Variants in TBC1D21 observed in about 807,000 individuals in gnomAD.
TBC1D21 encodes TBC1 domain family member 21.
TBC1D21 carries 38 observed loss-of-function variants against 46.0 expected under a neutral mutation model. That is an observed-to-expected ratio of 0.83 (90% CI 0.64 to 1.08). The LOEUF (loss-of-function observed/expected upper bound fraction) is 1.08. Ranked by LOEUF, TBC1D21 falls within the 50% of genes least tolerant of loss-of-function variation. The pLI, the probability that TBC1D21 is intolerant of heterozygous loss-of-function variation, is 0.00. For synonymous variants in TBC1D21, 151 were observed against 157.2 expected (o/e 0.96, Z 0.29); for missense variants, 415 against 417.9 (o/e 0.99, Z 0.06).
Position 73,887,683 on chromosome 15 carries a change from A to G in TBC1D21, c.841A>G (p.Met281Val). The G allele has an allele frequency of 2.5e-6, 4 of 1,614,038 alleles. No individual in the cohort carries two copies. Among genetic ancestry groups the G allele is most frequent in the Non-Finnish European group, 2.5e-6 (3 of 1,179,954 alleles). The part of the protein sequence containing the change: ...QVLVAYSMLQ[M>V]VREQVLQESM... ...GCTGGTGGCCTACAGCATGCTGCAG[A>G]TGGTGCGGGAGCAGGTGCTGCAGGA... The change falls in exon 9 of 11, where the codon ATG (methionine) becomes GTG (valine). Residue 281 changes from methionine (M) to valine (V), a missense_variant. Met to Val is a conservative substitution (Grantham distance 21). Coordinates refer to ENST00000300504, the MANE Select transcript of TBC1D21 (RefSeq NM_153356.3).
rs145856354 is a variant in TBC1D21, at chr15:73,881,469, A to T, written c.131A>T (p.Lys44Ile). The T allele has an allele frequency of 2.0e-4, 315 of 1,614,116 alleles. No individual in the cohort carries two copies. Among genetic ancestry groups the T allele is most frequent in the Non-Finnish European group, 2.6e-4 (312 of 1,180,038 alleles). Residue 44 changes from lysine to isoleucine, a missense_variant, in exon 2 of 11, where the codon AAA becomes ATA. Lys to Ile is a moderately radical substitution (Grantham distance 102). Transcript: ENST00000300504. ...TTTGATGAGAGTGGCCACTTGGCCA[A>T]ATCACGGGACTTCATTTGTGTTAAC... ...SFFDESGHLA[K>I]SRDFICVNIL...
chr15:73,886,268 G>A (rs1202693768), intron 7 of TBC1D21, 94 bp downstream of exon 7: 6 of 1,129,764 alleles, frequency 5.3e-6, no homozygotes, highest in African/African-American at 1.5e-5. Flanking sequence ...TGGGGGGGCT[G>A]GAGAGCAGCA....
chr15:73,886,838 T>C (rs1055015486), intron 8 of TBC1D21, among the ~76,000 whole-genome samples: 1 of 152,230 alleles, frequency 6.6e-6, no homozygotes, highest in Non-Finnish European at 1.5e-5. Flanking sequence ...TGCCTTCTGC[T>C]AGCAGTTGAC....
chr15:73,889,567 C>T (rs2068319404), downstream of TBC1D21, among the ~76,000 whole-genome samples: 1 of 152,256 alleles, frequency 6.6e-6, no homozygotes, highest in African/African-American at 2.4e-5. Flanking sequence ...CCACTGCTCC[C>T]CTGAGTCCTG....
At chr15:73,890,208 C>G (rs1299146282), downstream of TBC1D21, among the ~76,000 whole-genome samples, 1 of 152,186 alleles carries the variant, frequency 6.6e-6, no homozygotes, top group East Asian at 1.9e-4. Flanking sequence ...TCCTGGCACT[C>G]TTAGTGACCA....
rs376821140 is a variant in TBC1D21, at chr15:73,888,564, TTCC to T, written c.978+66_978+68del. 1,081 of 1,123,678 alleles carry T rather than the reference TTCC, an allele frequency of 9.6e-4. 6 individuals carry two copies. In the African/African-American group the frequency reaches 0.016, roughly 16 times the overall value. The allele number at this position is 1,123,678 out of a possible 1,614,324, so 69.6% of individuals were successfully genotyped here. ...CCTCCTCCTCTTCCTCCTCCTCCTC[TTCC>T]TCCTCCTCCTCCTCTTCCTCCTCCT... On this transcript the variant is annotated intron_variant, in intron 10 of 10. Transcript: ENST00000300504.
intron 1 of TBC1D21, among the ~76,000 whole-genome samples, chr15:73,879,497 C>G (rs762724762): frequency 6.6e-6 from 1 of 152,074 alleles, no homozygotes; most frequent in Non-Finnish European, 1.5e-5. Flanking sequence ...GGATTACAGG[C>G]GTGAGCCACC....
the TBC1D21 span, among the ~76,000 whole-genome samples, chr15:73,906,710 G>A: frequency 6.6e-6 from 1 of 152,188 alleles, no homozygotes; most frequent in African/African-American, 2.4e-5. Flanking sequence ...CCAGGAGGAG[G>A]AGAAGACTGA....
chr15:73,902,911 G>A, the TBC1D21 span, among the ~76,000 whole-genome samples: 1 of 152,154 alleles, frequency 6.6e-6, no homozygotes, highest in South Asian at 2.1e-4. Context: ...CCATCAATCC[G>A]GGTCGGGTCT....
chr15:73,892,776 C>T (rs781106996), downstream of TBC1D21, among the ~76,000 whole-genome samples: 7 of 152,214 alleles, frequency 4.6e-5, no homozygotes, highest in Admixed American at 4.6e-4. Context: ...CCAGTAGGCC[C>T]GAGCAAAACT....
intron 4 of TBC1D21, 45 bp downstream of exon 4, chr15:73,884,290 A>C: frequency 6.5e-7 from 1 of 1,548,814 alleles, no homozygotes; most frequent in Non-Finnish European, 8.9e-7. Flanking sequence ...GGAGGGCTTG[A>C]AGCCAACCCT....
At chr15:73,893,622 C>T (rs937928680), downstream of TBC1D21, among the ~76,000 whole-genome samples, 1 of 152,196 alleles carries the variant, frequency 6.6e-6, no homozygotes, top group Non-Finnish European at 1.5e-5. Flanking sequence ...ACAGAGGCAC[C>T]GTGGATAAAA....
chr15:73,898,457 T>C, the TBC1D21 span, among the ~76,000 whole-genome samples: 1 of 152,192 alleles, frequency 6.6e-6, no homozygotes, highest in African/African-American at 2.4e-5. Flanking sequence ...AAACAGAATG[T>C]GAGTGAACCA....
At chr15:73,883,206 A>C (rs920723460) in intron 3 of TBC1D21, among the ~76,000 whole-genome samples, 5 of 152,246 alleles carry the variant, frequency 3.3e-5, no homozygotes, top group African/African-American at 9.6e-5. Flanking sequence ...TGTCGGGGCC[A>C]GCCAGAGTGA....
At chr15:73,879,758 CCATCAGCA>C (rs1456001741) in intron 1 of TBC1D21, among the ~76,000 whole-genome samples, 1 of 152,170 alleles carries the variant, frequency 6.6e-6, no homozygotes, top group African/African-American at 2.4e-5. Context: ...TCAGCTCTGT[CCATCAGCA>C]CATCTTTATG....
chr15:73,906,532 G>C, the TBC1D21 span, among the ~76,000 whole-genome samples: 1 of 152,188 alleles, frequency 6.6e-6, no homozygotes, highest in Non-Finnish European at 1.5e-5. Context: ...CAAGGTACAC[G>C]GAGGAGGAAG....
intron 7 of TBC1D21, 95 bp from the exon 8 acceptor site, chr15:73,886,417 T>C: frequency 1.7e-6 from 2 of 1,155,416 alleles, no homozygotes; most frequent in South Asian, 2.5e-5. Flanking sequence ...ATTTCCCAAG[T>C]GTTTTGCAGG....
At chr15:73,906,411 T>G in the TBC1D21 span, among the ~76,000 whole-genome samples, 1 of 152,172 alleles carries the variant, frequency 6.6e-6, no homozygotes, top group Admixed American at 6.5e-5. Context: ...GTCAGTATAC[T>G]CAACCTTGCT....
intron 3 of TBC1D21, among the ~76,000 whole-genome samples, chr15:73,882,766 T>C (rs1164713956): frequency 6.6e-6 from 1 of 152,160 alleles, no homozygotes; most frequent in Non-Finnish European, 1.5e-5. Context: ...AATCAGATAA[T>C]ACAGGTAAGG....
Sources: allele counts gnomAD v4.1 joint callset (sites outside exome capture counted in the v4.1 genomes callset), GRCh38; gene constraint gnomAD v4.1.1; transcripts MANE v1.5; gene names NCBI Gene and HGNC (gene_info 2026-07-23, HGNC 2026-07-21).